The following ROBO2 variants were observed in gnomAD, a reference collection of about 807,000 sequenced individuals.
The protein encoded by ROBO2 is roundabout homolog 2.
ROBO2 carries 53 observed loss-of-function variants against 160.8 expected under a neutral mutation model. The ratio of observed to expected loss-of-function variants is 0.33; its 90% CI spans 0.26 to 0.41. ROBO2 has a LOEUF of 0.41. ROBO2 is among the 10% of genes least tolerant of loss of function. The probability of loss-of-function intolerance (pLI) is 1.00; values close to 1 mark genes in which losing one functional copy is unlikely to be tolerated. For synonymous variants in ROBO2, 664 were observed against 611.7 expected, an observed-to-expected ratio of 1.09 and a Z score of -1.26; for missense variants, 1,577 against 1,722.4, an observed-to-expected ratio of 0.92 and a Z score of 1.49.
At chr3:77,310,526 T>C (rs2063456751) in intron 2 of ROBO2, among the ~76,000 whole-genome samples, 2 of 152,166 alleles carry the variant, frequency 1.3e-5, no homozygotes, top group African/African-American at 4.8e-5. Context: ...TCTATTTGTC[T>C]TGAAGTTCAG....
intron 2 of ROBO2, among the ~76,000 whole-genome samples, chr3:76,527,847 A>T (rs1398750742): frequency 6.6e-6 from 1 of 152,160 alleles, no homozygotes; most frequent in East Asian, 1.9e-4. Flanking sequence ...CCAAAGACAG[A>T]CAGCAAAAGA....
intron 2 of ROBO2, among the ~76,000 whole-genome samples, chr3:76,183,186 T>C (rs1013607946): frequency 6.6e-6 from 1 of 152,122 alleles, no homozygotes; most frequent in African/African-American, 2.4e-5. Context: ...ATGTCATCTC[T>C]AGGACAGCAG....
chr3:77,246,977 G>A (rs1357083470), intron 2 of ROBO2, among the ~76,000 whole-genome samples: 7 of 152,254 alleles, frequency 4.6e-5, no homozygotes, highest in Non-Finnish European at 1.0e-4. Flanking sequence ...AAGTAGAACA[G>A]GGGTGGGGTG....
Position 77,003,003 on chromosome 3 carries a change from A to G in ROBO2, c.110-95011A>G, listed in dbSNP as rs146335677. Reference sequence around the variant, plus strand: ...AGTCTTTCATAGTTTAACCACAAGGAAAAATAAAAGGAGAAAGCAAGCTAT... The same window carrying G: ...AGTCTTTCATAGTTTAACCACAAGGGAAAATAAAAGGAGAAAGCAAGCTAT... On this transcript the variant is annotated intron_variant, in intron 2 of 26. Coordinates refer to the ROBO2 transcript ENST00000487694. 8.3e-3 allele frequency among the ~76,000 whole-genome samples: 1,270 copies of G among 152,316 alleles called. 18 individuals are homozygous for G. Among genetic ancestry groups the G allele is most frequent in the Middle Eastern group, 0.041 (12 of 292 alleles).
intron 2 of ROBO2, among the ~76,000 whole-genome samples, chr3:76,834,014 C>T (rs1338423512): frequency 5.2e-5 from 1 of 19,234 alleles, no homozygotes; most frequent in South Asian, 1.5e-3. Flanking sequence ...TCTTTCTTTC[C>T]TTTCTTTCTT....
chr3:76,792,749 C>T (rs947136416), intron 2 of ROBO2, among the ~76,000 whole-genome samples: 13 of 151,622 alleles, frequency 8.6e-5, no homozygotes, highest in Non-Finnish European at 1.6e-4. Flanking sequence ...ACAAAAAAAT[C>T]CTCTGGTAAG....
chr3:76,687,176 G>T (rs1241789910), intron 2 of ROBO2, among the ~76,000 whole-genome samples: 2 of 152,048 alleles, frequency 1.3e-5, no homozygotes, highest in Non-Finnish European at 2.9e-5. Flanking sequence ...ATATTTTAGA[G>T]CCTGTATTAT....
intron 1 of ROBO2, among the ~76,000 whole-genome samples, chr3:75,937,162 A>G (rs1235183511): frequency 6.6e-6 from 1 of 152,080 alleles, no homozygotes; most frequent in Admixed American, 6.6e-5. Context: ...TCCATACACA[A>G]TTTTTTTGCT....
chr3:75,951,849 G>C (rs112296957), intron 2 of ROBO2, among the ~76,000 whole-genome samples: 20 of 151,986 alleles, frequency 1.3e-4, no homozygotes, highest in East Asian at 5.8e-4. Flanking sequence ...TTATCTGATA[G>C]CTCCCTTGTG....
chr3:77,180,416 C>CTATATATATATATATATATATATATA (rs71104657), intron 2 of ROBO2, among the ~76,000 whole-genome samples: 2 of 90,706 alleles, frequency 2.2e-5, no homozygotes, highest in Non-Finnish European at 4.6e-5. Context: ...CTCTCTCTCT[C>CTATATATATATATATATATATATATA]TATATATATA....
intron 2 of ROBO2, among the ~76,000 whole-genome samples, chr3:77,180,183 CAA>C (rs1311845185): frequency 2.0e-5 from 3 of 151,734 alleles, no homozygotes; most frequent in Non-Finnish European, 4.4e-5. Context: ...TATGGCACCA[CAA>C]AGAGGAAATA....
intron 2 of ROBO2, among the ~76,000 whole-genome samples, chr3:76,791,177 A>C (rs1166630928): frequency 1.3e-5 from 2 of 151,778 alleles, no homozygotes; most frequent in Non-Finnish European, 2.9e-5. Context: ...TTGGAGTGTC[A>C]ATTATAAGAA....
At chr3:76,814,680 TGAGA>T (rs991841892) in intron 2 of ROBO2, among the ~76,000 whole-genome samples, 9 of 151,980 alleles carry the variant, frequency 5.9e-5, no homozygotes, top group African/African-American at 2.2e-4. Context: ...AAGTCCCTAC[TGAGA>T]GATAGGTCTG....
intron 2 of ROBO2, among the ~76,000 whole-genome samples, chr3:76,786,836 A>C (rs10048928): frequency 0.01 from 1,548 of 151,466 alleles, 22 homozygotes; most frequent in African/African-American, 0.035. Flanking sequence ...TGAGTTGTAG[A>C]AATATGCATT....
At chr3:77,251,786 T>G (rs549076058) in intron 2 of ROBO2, among the ~76,000 whole-genome samples, 1 of 152,226 alleles carries the variant, frequency 6.6e-6, no homozygotes, top group Admixed American at 6.5e-5. Context: ...TTCACTTGAC[T>G]CTCTGTCTGT....
At chr3:77,282,959 TTA>T (rs200427042) in intron 2 of ROBO2, among the ~76,000 whole-genome samples, 4,511 of 148,768 alleles carry the variant, frequency 0.03, 152 homozygotes, top group East Asian at 0.1. Context: ...GCTTCTGCTT[TTA>T]AAAAAAAAAA....
chr3:76,260,580 C>G (rs1706680840), intron 2 of ROBO2, among the ~76,000 whole-genome samples: 1 of 151,652 alleles, frequency 6.6e-6, no homozygotes. Context: ...GGTATGAATC[C>G]AAATAGAATG....
At chr3:77,036,690 A>G (rs116736399), upstream of ROBO2, among the ~76,000 whole-genome samples, 3,450 of 152,062 alleles carry the variant, frequency 0.023, 123 homozygotes, top group African/African-American at 0.078. Context: ...TTCCATCTAC[A>G]TTTATCTATT....
At chr3:77,304,446 G>T (rs1327827922) in intron 2 of ROBO2, among the ~76,000 whole-genome samples, 1 of 152,150 alleles carries the variant, frequency 6.6e-6, no homozygotes. Context: ...TCGGCCACAT[G>T]AAGTGAGAGC....
Sources: allele counts gnomAD v4.1 joint callset (sites outside exome capture counted in the v4.1 genomes callset), GRCh38; gene constraint gnomAD v4.1.1; transcripts MANE v1.5; gene names NCBI Gene and HGNC (gene_info 2026-07-23, HGNC 2026-07-21).